TCF20: variants seen among roughly 807,000 people sequenced by gnomAD.
TCF20 encodes the protein SPRE-binding protein.
In TCF20, 3 loss-of-function variants were observed where a neutral mutation model predicts 148.6. That is an observed-to-expected ratio of 0.02 (90% CI 0.01 to 0.05). The LOEUF (loss-of-function observed/expected upper bound fraction) is 0.05. Among genes scored for constraint, TCF20 ranks in the 10% least tolerant of loss-of-function variants. TCF20 has a pLI of 1.00. For synonymous variants in TCF20, 1,049 were observed against 909.5 expected (o/e 1.15, Z -2.76); for missense variants, 2,350 against 2,429.3 (o/e 0.97, Z 0.69).
At chr22:42,308,037 G>A (rs1035085902) in intron 1 of TCF20, among the ~76,000 whole-genome samples, 3 of 152,216 alleles carry the variant, frequency 2.0e-5, no homozygotes, top group African/African-American at 7.2e-5. Context: ...ATATATGCCT[G>A]GTTTTTACGC....
At chr22:42,173,898 G>A (rs1245727506) in intron 3 of TCF20, among the ~76,000 whole-genome samples, 4 of 152,184 alleles carry the variant, frequency 2.6e-5, no homozygotes, top group African/African-American at 9.7e-5. Flanking sequence ...CCTCTGTCTT[G>A]CTGGACACGC....
intron 5 of TCF20, 98 bp from the exon 6 acceptor site, chr22:42,161,456 G>A (rs570576787): frequency 9.2e-6 from 14 of 1,528,888 alleles, no homozygotes; most frequent in Non-Finnish European, 1.3e-5. Context: ...TTTCAGCAGG[G>A]AGCCTGCACT....
In TCF20 at chr22:42,213,467, C is replaced by A. The variant is rs757297632; in HGVS notation, c.1839G>T (p.Met613Ile). Residue 613 changes from methionine (M) to isoleucine (I), a missense_variant, in exon 2 of 6, where the codon ATG (methionine) becomes ATT (isoleucine). Physicochemically the swap from Met to Ile is conservative, Grantham distance 10. This residue lies in a region of TCF20 where 1,641 missense variants were observed against 1,662.6 expected (regional missense o/e 0.99). Transcript: ENST00000677622. The stretch of plus-strand genomic sequence containing the variant: ...CACCAGGCTTTTCTACCCGACCTGT[C>A]ATGGCTTCCCGGGAGACAATCACCC... ...TVGVIVSREA[M>I]TGRVEKPGGQ... 3.1e-6 allele frequency: 5 copies of A among 1,614,204 alleles called. No homozygotes were observed. Among genetic ancestry groups the A allele is most frequent in the Non-Finnish European group, 4.2e-6 (5 of 1,180,040 alleles).
chr22:42,200,247 C>A (rs8142673), intron 2 of TCF20, among the ~76,000 whole-genome samples: 6,393 of 152,180 alleles, frequency 0.042, 193 homozygotes, highest in Non-Finnish European at 0.069. Context: ...ATGTTGATGA[C>A]CCCTCACCTC....
At chr22:42,320,508 G>A (rs150650505) in intron 1 of TCF20, among the ~76,000 whole-genome samples, 90 of 152,200 alleles carry the variant, frequency 5.9e-4, no homozygotes, top group Non-Finnish European at 1.1e-3. Context: ...TCCAACAGCC[G>A]TCCCAGCCCC....
intron 1 of TCF20, among the ~76,000 whole-genome samples, chr22:42,341,067 G>A (rs932412000): frequency 8.5e-5 from 13 of 152,292 alleles, no homozygotes; most frequent in South Asian, 4.1e-4. Flanking sequence ...CGCGCCGGCT[G>A]CCAGGAGCAG....
At chr22:42,307,334 A>G (rs1030680940) in intron 1 of TCF20, among the ~76,000 whole-genome samples, 3 of 152,206 alleles carry the variant, frequency 2.0e-5, no homozygotes, top group African/African-American at 7.2e-5. Flanking sequence ...CCTGCCTTCC[A>G]TCTGCACTTA....
At chr22:42,235,533 G>C (rs914587117) in intron 1 of TCF20, among the ~76,000 whole-genome samples, 3 of 152,058 alleles carry the variant, frequency 2.0e-5, no homozygotes, top group South Asian at 2.1e-4. Context: ...TCTAGAAATA[G>C]GATTTTATTT....
chr22:42,318,125 C>T (rs556939837), intron 1 of TCF20, among the ~76,000 whole-genome samples: 96 of 152,380 alleles, frequency 6.3e-4, no homozygotes, highest in African/African-American at 2.0e-3. Flanking sequence ...CCGCCCTGCT[C>T]GCCAGGTATG....
At chr22:42,248,291 C>G (rs1925086833) in intron 1 of TCF20, among the ~76,000 whole-genome samples, 2 of 152,198 alleles carry the variant, frequency 1.3e-5, no homozygotes, top group South Asian at 4.1e-4. Context: ...AAGGGAGAAA[C>G]AGGTTTTGAA....
At position 42,191,339 on chromosome 22, in the gene TCF20, G is replaced by C. The variant is rs374675505; in HGVS notation, c.5656-11637C>G. ...GAGTCTCACTCTGTTGCCCAGGCTG[G>C]AGTACAGTGACGAGATCTTGGCTCA... On this transcript the variant is annotated intron_variant, in intron 2 of 5. Transcript: ENST00000677622. 8.1e-4 allele frequency among the ~76,000 whole-genome samples: 123 copies of C among 152,190 alleles called. 3 individuals are homozygous for C. The South Asian group carries it at 0.024, about 30-fold the overall frequency.
intron 2 of TCF20, among the ~76,000 whole-genome samples, chr22:42,207,567 G>C (rs1243022632): frequency 6.6e-6 from 1 of 152,158 alleles, no homozygotes; most frequent in African/African-American, 2.4e-5. Flanking sequence ...TGTAATCCCA[G>C]CACTTTGGGA....
rs761495177 is a variant in TCF20 at position 42,211,843 on chromosome 22, G to A, written c.3463C>T (p.Pro1155Ser). 5 of 1,614,136 alleles carry A rather than the reference G, an allele frequency of 3.1e-6. No individual in the cohort carries two copies. The highest frequency in any genetic ancestry group is 4.2e-6 in the Non-Finnish European group (5 of 1,180,028). The change falls in exon 2 of 6, where the codon CCC becomes TCC. Residue 1155 changes from proline (P) to serine (S), a missense_variant. By Grantham distance (74) the Pro-to-Ser change is moderately conservative (BLOSUM62 -1). Transcript: ENST00000677622. Reference protein sequence around the residue: ...YGPPVGTYHDPSAQEAGRCLM... With the variant: ...YGPPVGTYHDSSAQEAGRCLM... ...CAGCGCCCAGCCTCCTGGGCACTGG[G>A]GTCATGGTAAGTCCCCACTGGTGGG...
intron 1 of TCF20, among the ~76,000 whole-genome samples, chr22:42,227,505 C>CA (rs1381426531): frequency 6.6e-6 from 1 of 152,108 alleles, no homozygotes; most frequent in African/African-American, 2.4e-5. Context: ...CCTCCATAAC[C>CA]AGCATACAAG....
At chr22:42,198,352 G>C (rs993041522) in intron 2 of TCF20, among the ~76,000 whole-genome samples, 3 of 152,176 alleles carry the variant, frequency 2.0e-5, no homozygotes, top group Non-Finnish European at 4.4e-5. Flanking sequence ...GGTAATTCAC[G>C]TATAGTGCTT....
At chr22:42,234,970 C>T (rs1923747691) in intron 1 of TCF20, among the ~76,000 whole-genome samples, 1 of 151,928 alleles carries the variant, frequency 6.6e-6, no homozygotes, top group Admixed American at 6.6e-5. Flanking sequence ...GAAACCCCAC[C>T]TCTACTAAAA....
intron 1 of TCF20, among the ~76,000 whole-genome samples, chr22:42,257,262 T>A (rs563661449): frequency 1.3e-5 from 2 of 152,246 alleles, no homozygotes; most frequent in African/African-American, 4.8e-5. Context: ...CATCTGACCC[T>A]GTCTGCTATG....
rs189422755 is a variant in TCF20 at position 42,297,154 on chromosome 22, C to A, written c.-37+46325G>T. 2.8e-3 allele frequency among the ~76,000 whole-genome samples: 433 copies of A among 152,332 alleles called. 4 individuals are homozygous for A. Among genetic ancestry groups the A allele is most frequent in the Middle Eastern group, 0.02 (6 of 294 alleles). On this transcript the variant is annotated intron_variant, in intron 1 of 1. Transcript: ENST00000515426. The surrounding 1 kb of genome is among the most constrained non-coding windows in gnomAD (Gnocchi z 4.3). Reference sequence around the variant, plus strand: ...GTTCAGGCAGGCCTCAGTGCCCATACCCACAATGGATGGCCCAGCTGGGCG... The same window carrying A: ...GTTCAGGCAGGCCTCAGTGCCCATAACCACAATGGATGGCCCAGCTGGGCG...
Position 42,212,042 on chromosome 22 carries a change from C to T in TCF20, c.3264G>A (p.Gln1088=), listed in dbSNP as rs745978204. The T allele has an allele frequency of 1.2e-6, 2 of 1,614,192 alleles. No individual in the cohort carries two copies. The highest frequency in any genetic ancestry group is 1.7e-5 in the Admixed American group (1 of 60,018). Residue 1088 remains glutamine (Q), a synonymous_variant, in exon 2 of 6, where the codon CAG becomes CAA. Coordinates refer to ENST00000677622, the MANE Select transcript of TCF20 (RefSeq NM_001378418.1). ...ACTCCTCTGGTTGCTGTTGGTACAT[C>T]TGTCTCTTATAATGCAGCTGAGAAT... The part of the protein sequence containing the change: ...GLNSQLHYKR[Q]MYQQQPEEYK...
Sources: allele counts gnomAD v4.1 joint callset (sites outside exome capture counted in the v4.1 genomes callset), GRCh38; gene constraint gnomAD v4.1.1; regional missense constraint gnomAD v4.1.1; non-coding constraint Gnocchi (gnomAD v3.1); transcripts MANE v1.5; gene names NCBI Gene and HGNC (gene_info 2026-07-23, HGNC 2026-07-21).